SETD2: variants seen among roughly 807,000 people sequenced by gnomAD.
SETD2 encodes histone-lysine N-methyltransferase SETD2.
SETD2 carries 31 observed loss-of-function variants against 242.1 expected under a neutral mutation model. The observed-to-expected ratio is 0.13, with a 90% CI of 0.10 to 0.17. The LOEUF (loss-of-function observed/expected upper bound fraction) is 0.17. Ranked by LOEUF, SETD2 falls within the 10% of genes least tolerant of loss-of-function variation. The probability of loss-of-function intolerance (pLI) is 1.00; values close to 1 mark genes in which losing one functional copy is unlikely to be tolerated. For synonymous variants in SETD2, 1,006 were observed against 1,066.5 expected, an observed-to-expected ratio of 0.94 and a Z score of 1.11; for missense variants, 2,481 against 3,046.3, an observed-to-expected ratio of 0.81 and a Z score of 4.37.
At chr3:47,130,276 T>C (rs1011985045) in intron 1 of SETD2, among the ~76,000 whole-genome samples, 52 of 152,062 alleles carry the variant, frequency 3.4e-4, no homozygotes, top group African/African-American at 1.2e-3. Flanking sequence ...ATAAACTCAA[T>C]AGGGTAGGGA....
At chr3:47,067,531 C>T (rs1227689368) in intron 12 of SETD2, among the ~76,000 whole-genome samples, 2 of 151,624 alleles carry the variant, frequency 1.3e-5, no homozygotes, top group Non-Finnish European at 2.9e-5. Flanking sequence ...CCTTCTGCCC[C>T]AGCCTCCCAA....
At chr3:47,134,619 T>C (rs2043552337) in intron 1 of SETD2, among the ~76,000 whole-genome samples, 1 of 152,142 alleles carries the variant, frequency 6.6e-6, no homozygotes, top group African/African-American at 2.4e-5. Context: ...ACCATGCTGA[T>C]GGACTGCTCA....
intron 1 of SETD2, among the ~76,000 whole-genome samples, chr3:47,137,011 T>G (rs903365588): frequency 6.6e-6 from 1 of 152,060 alleles, no homozygotes; most frequent in Admixed American, 6.6e-5. Flanking sequence ...ATGGGCACAC[T>G]AGAAGCCCAA....
intron 1 of SETD2, among the ~76,000 whole-genome samples, chr3:47,131,404 C>T (rs1039081137): frequency 3.3e-5 from 5 of 152,060 alleles, no homozygotes; most frequent in African/African-American, 7.3e-5. Context: ...AGTGCAGTGG[C>T]GCGATCTCAG....
chr3:47,133,316 A>G (rs1042315615), intron 1 of SETD2, among the ~76,000 whole-genome samples: 1 of 152,220 alleles, frequency 6.6e-6, no homozygotes, highest in African/African-American at 2.4e-5. Context: ...AGCCTCCCAA[A>G]GTGCTGGGAT....
chr3:47,067,055 T>C lies in SETD2; in HGVS notation c.6109+15A>G, dbSNP rs370466838. ...TTTGTAAAGCCATCAACACAGAGTA[T>C]CTCTGAATACCTACTTGTGTTTTCC... On this transcript the variant is annotated intron_variant, in intron 13 of 20. Transcript: ENST00000409792. 59 of 1,590,764 alleles carry C rather than the reference T, an allele frequency of 3.7e-5. 1 individual carries two copies. The highest frequency in any genetic ancestry group is 1.8e-4 in the Middle Eastern group (1 of 5,640).
chr3:47,141,018 A>T (rs1201667923), intron 1 of SETD2, among the ~76,000 whole-genome samples: 2 of 151,938 alleles, frequency 1.3e-5, no homozygotes, highest in East Asian at 1.9e-4. Flanking sequence ...TTTTTGTGAG[A>T]CAGGATCTCA....
intron 1 of SETD2, among the ~76,000 whole-genome samples, chr3:47,153,395 A>T (rs1303057840): frequency 2.0e-5 from 3 of 152,048 alleles, no homozygotes; most frequent in Non-Finnish European, 2.9e-5. Context: ...ACAACAACAA[A>T]CCTATCAAAT....
rs574773255 is a variant in SETD2 at position 47,030,251 on chromosome 3, T to C, written c.7350+7415A>G. 3.9e-5 allele frequency among the ~76,000 whole-genome samples: 6 copies of C among 152,232 alleles called. No individual in the cohort carries two copies. In the South Asian group the frequency reaches 1.2e-3, roughly 32 times the overall value. The stretch of plus-strand genomic sequence containing the variant: ...AAGAAATTAAAACTATTAAAAAATA[T>C]GCAAATTAAAATTTGAGAGCAGAAA... On this transcript the variant is annotated intron_variant, in intron 18 of 20. Transcript: ENST00000409792.
chr3:47,155,331 T>A (rs1178653352), intron 1 of SETD2, among the ~76,000 whole-genome samples: 1 of 152,216 alleles, frequency 6.6e-6, no homozygotes, highest in Non-Finnish European at 1.5e-5. Flanking sequence ...GAAAGAAAGA[T>A]CATGATGCCT....
chr3:47,058,465 C>CAA (rs1448864045), intron 14 of SETD2, among the ~76,000 whole-genome samples: 1 of 76,156 alleles, frequency 1.3e-5, no homozygotes, highest in South Asian at 4.8e-4. Flanking sequence ...AAAAAAAAAA[C>CAA]ACAAAGAGGG....
At chr3:47,138,035 G>A (rs1211646241) in intron 1 of SETD2, among the ~76,000 whole-genome samples, 3 of 151,692 alleles carry the variant, frequency 2.0e-5, no homozygotes, top group African/African-American at 4.8e-5. Flanking sequence ...GCAGTGGCGC[G>A]ATCTCGGCTC....
At chr3:47,055,242 A>G (rs1224024372) in intron 15 of SETD2, among the ~76,000 whole-genome samples, 2 of 152,240 alleles carry the variant, frequency 1.3e-5, no homozygotes, top group Non-Finnish European at 2.9e-5. Context: ...TTATGAAAAT[A>G]TGAACAGAAG....
At chr3:47,096,754 A>C (rs77016080) in intron 9 of SETD2, among the ~76,000 whole-genome samples, 4,622 of 152,200 alleles carry the variant, frequency 0.03, 232 homozygotes, top group East Asian at 0.13. Context: ...CTCAAAAAAA[A>C]ACAAAGCCAA....
At chr3:47,054,998 C>T (rs546557897) in intron 15 of SETD2, among the ~76,000 whole-genome samples, 1 of 152,244 alleles carries the variant, frequency 6.6e-6, no homozygotes, top group African/African-American at 2.4e-5. Context: ...GGTCCCCATA[C>T]TTATCCCCAC....
Position 47,045,162 on chromosome 3 carries a change from C to T in SETD2, c.7098+1325G>A, listed in dbSNP as rs187207305. ...CAACACTTTGGGAGGCTGAAGCGGG[C>T]GGATCATGAGGTCAGGAGTTCAAGA... On this transcript the variant is annotated intron_variant, in intron 16 of 20. Transcript: ENST00000409792. Among the ~76,000 whole-genome samples, 1,308 of 151,838 alleles carry T rather than the reference C, an allele frequency of 8.6e-3. 10 individuals are homozygous for T. Among genetic ancestry groups the T allele is most frequent in the Middle Eastern group, 0.044 (13 of 294 alleles).
chr3:47,102,654 C>T (rs149846112), intron 7 of SETD2, among the ~76,000 whole-genome samples: 388 of 151,270 alleles, frequency 2.6e-3, no homozygotes, highest in Non-Finnish European at 3.8e-3. Context: ...ATTAGCTGGA[C>T]GTGATGGCAC....
chr3:47,068,762 T>C (rs1425028449), intron 12 of SETD2, among the ~76,000 whole-genome samples: 1 of 152,106 alleles, frequency 6.6e-6, no homozygotes, highest in African/African-American at 2.4e-5. Context: ...CCCAAAGTGC[T>C]AGGATTACAG....
chr3:47,137,988 T>C (rs1230413494), intron 1 of SETD2, among the ~76,000 whole-genome samples: 1 of 151,630 alleles, frequency 6.6e-6, no homozygotes, highest in Admixed American at 6.6e-5. Flanking sequence ...TCTTTTTTTT[T>C]TGAGACGGAG....
Sources: allele counts gnomAD v4.1 joint callset (sites outside exome capture counted in the v4.1 genomes callset), GRCh38; gene constraint gnomAD v4.1.1; transcripts MANE v1.5; gene names NCBI Gene and HGNC (gene_info 2026-07-23, HGNC 2026-07-21).